Variants in SHISA6 observed in about 807,000 individuals in gnomAD.
The protein encoded by SHISA6 is protein shisa-6.
SHISA6 carries 22 observed loss-of-function variants against 47.9 expected under a neutral mutation model. The observed-to-expected ratio is 0.46, with a 90% CI of 0.33 to 0.66. SHISA6 has a LOEUF of 0.66. Among genes scored for constraint, SHISA6 ranks in the 30% least tolerant of loss-of-function variants. The pLI is 0.02. For synonymous variants in SHISA6, 388 were observed against 337.8 expected, an observed-to-expected ratio of 1.15 and a Z score of -1.63; for missense variants, 680 against 764.6, an observed-to-expected ratio of 0.89 and a Z score of 1.30.
At chr17:11,496,589 A>G (rs1383826674) in intron 3 of SHISA6, among the ~76,000 whole-genome samples, 1 of 152,034 alleles carries the variant, frequency 6.6e-6, no homozygotes, top group Non-Finnish European at 1.5e-5. Context: ...AATACAAAAA[A>G]TTAGCTGGGC....
intron 2 of SHISA6, among the ~76,000 whole-genome samples, chr17:11,355,753 G>T (rs756264216): frequency 6.6e-5 from 10 of 152,218 alleles, no homozygotes; most frequent in African/African-American, 9.6e-5. Flanking sequence ...CCAGCCTCTT[G>T]GGGTCCCCAT....
At chr17:11,258,224 A>C (rs1468104165) in intron 1 of SHISA6, among the ~76,000 whole-genome samples, 2 of 152,210 alleles carry the variant, frequency 1.3e-5, no homozygotes, top group African/African-American at 4.8e-5. Context: ...GCTCGAAACT[A>C]TCCAGTTTGC....
At chr17:11,373,207 A>G (rs564995753) in intron 2 of SHISA6, among the ~76,000 whole-genome samples, 2 of 151,326 alleles carry the variant, frequency 1.3e-5, no homozygotes, top group South Asian at 4.2e-4. Flanking sequence ...TAATTCTCCC[A>G]TCTATGGTGA....
At chr17:11,556,863 G>A (rs2071985786) in intron 5 of SHISA6, among the ~76,000 whole-genome samples, 1 of 152,138 alleles carries the variant, frequency 6.6e-6, no homozygotes, top group Non-Finnish European at 1.5e-5. Flanking sequence ...TGAAATTTGG[G>A]GCAATGCAGG....
intron 2 of SHISA6, among the ~76,000 whole-genome samples, chr17:11,315,407 T>G (rs1910473531): frequency 6.6e-6 from 1 of 152,168 alleles, no homozygotes; most frequent in Admixed American, 6.5e-5. Flanking sequence ...CTCTTCTATT[T>G]CAATATTTAT....
At chr17:11,400,839 A>C (rs1261926930) in intron 3 of SHISA6, among the ~76,000 whole-genome samples, 1 of 152,170 alleles carries the variant, frequency 6.6e-6, no homozygotes, top group Admixed American at 6.5e-5. Flanking sequence ...TTTTTCACCG[A>C]CTTGACTTTT....
intron 2 of SHISA6, among the ~76,000 whole-genome samples, chr17:11,286,544 T>C (rs1909307166): frequency 6.6e-6 from 1 of 152,208 alleles, no homozygotes; most frequent in Non-Finnish European, 1.5e-5. Flanking sequence ...ACCCAAGTTA[T>C]GCATTTGAAT....
chr17:11,266,806 C>T (rs561747779), intron 2 of SHISA6, among the ~76,000 whole-genome samples: 56 of 152,278 alleles, frequency 3.7e-4, no homozygotes, highest in African/African-American at 1.2e-3. Flanking sequence ...GATGAAGGTC[C>T]CTGGACTCAA....
intron 3 of SHISA6, among the ~76,000 whole-genome samples, chr17:11,430,924 C>T (rs1914754326): frequency 6.6e-6 from 1 of 152,232 alleles, no homozygotes; most frequent in African/African-American, 2.4e-5. Flanking sequence ...ACGGAAGCAG[C>T]ATCCTCACAT....
chr17:11,261,709 G>C (rs910461677), intron 1 of SHISA6, among the ~76,000 whole-genome samples: 7 of 152,198 alleles, frequency 4.6e-5, no homozygotes, highest in Admixed American at 3.9e-4. Context: ...CCTTTCAGCA[G>C]TTGATGGACT....
intron 2 of SHISA6, among the ~76,000 whole-genome samples, chr17:11,350,132 C>T (rs1911821580): frequency 6.6e-6 from 1 of 151,364 alleles, no homozygotes; most frequent in South Asian, 2.1e-4. Flanking sequence ...GCTGGGATTA[C>T]AGGCAGGCAC....
At chr17:11,303,271 ATG>A (rs1365072141) in intron 2 of SHISA6, among the ~76,000 whole-genome samples, 1 of 150,974 alleles carries the variant, frequency 6.6e-6, no homozygotes, top group African/African-American at 2.4e-5. Flanking sequence ...GGTTGTGAGT[ATG>A]TGTGTGGTTT....
At chr17:11,472,308 C>T (rs367545313) in intron 3 of SHISA6, among the ~76,000 whole-genome samples, 6 of 152,226 alleles carry the variant, frequency 3.9e-5, no homozygotes, top group South Asian at 4.2e-4. Flanking sequence ...GCAGTCTTTC[C>T]AGCTTAGCTT....
At chr17:11,260,912 C>T (rs779950327) in intron 1 of SHISA6, among the ~76,000 whole-genome samples, 27 of 152,164 alleles carry the variant, frequency 1.8e-4, no homozygotes, top group Admixed American at 6.5e-4. Flanking sequence ...GCTGCCCACT[C>T]TTTTGCAAAA....
chr17:11,257,434 G>A lies in SHISA6; in HGVS notation c.639-5932G>A, dbSNP rs1382918829. 4.6e-5 allele frequency among the ~76,000 whole-genome samples: 7 copies of A among 152,200 alleles called. No homozygotes were observed. In the South Asian group the frequency reaches 1.5e-3, roughly 32 times the overall value. Reference sequence around the variant, plus strand: ...CCAGCACTTTGGGAGGCTGAGGGAGGCAGATTGCCTGAGTTTCGGAGTCCG... The same window carrying A: ...CCAGCACTTTGGGAGGCTGAGGGAGACAGATTGCCTGAGTTTCGGAGTCCG... On this transcript the variant is annotated intron_variant, in intron 1 of 5. Coordinates refer to ENST00000441885, the MANE Select transcript of SHISA6 (RefSeq NM_207386.4).
intron 2 of SHISA6, among the ~76,000 whole-genome samples, chr17:11,353,717 T>C (rs1911980683): frequency 6.6e-6 from 1 of 152,094 alleles, no homozygotes; most frequent in African/African-American, 2.4e-5. Flanking sequence ...GAAGAAAAGA[T>C]GCTTTGAGGA....
chr17:11,464,092 T>C (rs545982385), intron 3 of SHISA6, among the ~76,000 whole-genome samples: 1 of 151,876 alleles, frequency 6.6e-6, no homozygotes, highest in Non-Finnish European at 1.5e-5. Flanking sequence ...AATTTTTAAA[T>C]TTTTTTTAGA....
At chr17:11,399,678 T>A (rs933577613) in intron 3 of SHISA6, among the ~76,000 whole-genome samples, 1 of 152,140 alleles carries the variant, frequency 6.6e-6, no homozygotes, top group African/African-American at 2.4e-5. Flanking sequence ...TGTCTCGGCC[T>A]CCCAAACTGC....
rs1228338880 is a variant in SHISA6 at position 11,311,064 on chromosome 17, G to A, written c.799+47538G>A. Among the ~76,000 whole-genome samples, 3 of 133,794 alleles carry A rather than the reference G, an allele frequency of 2.2e-5. No individual in the cohort carries two copies. In the East Asian group the frequency reaches 6.6e-4, roughly 29 times the overall value. 87.8% of individuals were successfully genotyped at this position (133,794 alleles called of 152,430 possible). On this transcript the variant is annotated intron_variant, in intron 2 of 5. Transcript: ENST00000441885. ...GGAGCTTGCAGTGAGCTGAGATTGC[G>A]CCACTGTACTCCAGCCTGGGTGACT...
Sources: allele counts gnomAD v4.1 joint callset (sites outside exome capture counted in the v4.1 genomes callset), GRCh38; gene constraint gnomAD v4.1.1; transcripts MANE v1.5; gene names NCBI Gene and HGNC (gene_info 2026-07-23, HGNC 2026-07-21).